Variants in ABCC3 observed in about 807,000 individuals in gnomAD.
ABCC3 encodes ATP binding cassette subfamily C member 3.
A neutral mutation model predicts 165.3 loss-of-function variants in ABCC3; 121 were observed. That is an observed-to-expected ratio of 0.73 (90% CI 0.63 to 0.85). ABCC3 has a LOEUF of 0.85. Ranked by LOEUF, ABCC3 falls within the 40% of genes least tolerant of loss-of-function variation. The pLI is 0.00. For synonymous variants in ABCC3, 733 were observed against 810.1 expected (o/e 0.90, Z 1.62); for missense variants, 1,869 against 1,964.1 (o/e 0.95, Z 0.92).
rs750350038 is a variant in ABCC3, at chr17:50,669,412, G to A, written c.2125G>A (p.Val709Met). The part of the protein sequence containing the change: ...WIQNCTLQEN[V>M]LFGKALNPKR... ...CCAGAACTGCACTCTTCAGGAAAAC[G>A]TGCTTTTCGGCAAAGCCCTGAACCC... The change falls in exon 17 of 31, where the codon GTG becomes ATG. Residue 709 changes from valine (V) to methionine (M), a missense_variant. Val to Met is a conservative substitution (Grantham distance 21). Transcript: ENST00000285238. 5.0e-6 allele frequency: 8 copies of A among 1,614,252 alleles called. No homozygotes were observed. Among genetic ancestry groups the A allele is most frequent in the African/African-American group, 1.3e-5 (1 of 75,068 alleles).
chr17:50,649,619 TGAGGGGTGGG>T (rs1407707643), intron 1 of ABCC3, among the ~76,000 whole-genome samples: 1 of 106,178 alleles, frequency 9.4e-6, no homozygotes, highest in Non-Finnish European at 1.8e-5. Flanking sequence ...AGGAGAGAGA[TGAGGGGTGGG>T]GAGGGGAAGG....
At position 50,691,614 on chromosome 17, in the gene ABCC3, C is replaced by A. The variant is rs913597378; in HGVS notation, c.*414C>A. The A allele has an allele frequency of 9.4e-6, 2 of 213,900 alleles. No individual in the cohort carries two copies. Among genetic ancestry groups the A allele is most frequent in the African/African-American group, 4.6e-5 (2 of 43,470 alleles). 13.3% of individuals were successfully genotyped at this position (213,900 alleles called of 1,614,324 possible). A position where few individuals can be genotyped will look rare whatever the true frequency, so the allele number is the denominator to read the frequency against. Reference sequence around the variant, plus strand: ...AAGACAGCTGCTGGGTCAGGCCACCCCTAGGAACTCAGTCCTGTACTCTGG... The same window carrying A: ...AAGACAGCTGCTGGGTCAGGCCACCACTAGGAACTCAGTCCTGTACTCTGG... On this transcript the variant is annotated 3_prime_UTR_variant, in exon 31 of 31. Coordinates refer to ENST00000285238, the MANE Select transcript of ABCC3 (RefSeq NM_003786.4).
intron 17 of ABCC3, 28 bp from the exon 18 acceptor site, chr17:50,672,943 A>G (rs769293159): frequency 3.4e-5 from 55 of 1,605,708 alleles, no homozygotes; most frequent in Non-Finnish European, 4.1e-5. Context: ...GTCTGACCCC[A>G]TTTTTCCCAC....
At chr17:50,647,441 C>T (rs1344898421) in intron 1 of ABCC3, among the ~76,000 whole-genome samples, 1 of 152,164 alleles carries the variant, frequency 6.6e-6, no homozygotes, top group Non-Finnish European at 1.5e-5. Flanking sequence ...CAGATGGTGA[C>T]GCCATCTGAG....
rs1401240593 is a variant in ABCC3 at position 50,691,862 on chromosome 17, TC to T, written c.*665del. On this transcript the variant is annotated 3_prime_UTR_variant, in exon 31 of 31. Transcript: ENST00000285238. ...CAAATATTGCCTTCACAGCCAAAAT[TC>T]CCTGGGTAATTGCCAGTAGCTCCTG... 6.6e-6 allele frequency: 1 copy of T among 152,204 alleles called. No homozygotes were observed. The highest frequency in any genetic ancestry group is 2.4e-5 in the African/African-American group (1 of 41,458). 9.4% of individuals were successfully genotyped at this position (152,204 alleles called of 1,614,324 possible).
intron 3 of ABCC3, 53 bp downstream of exon 3, chr17:50,656,880 G>T: frequency 6.4e-7 from 1 of 1,569,022 alleles, no homozygotes. Flanking sequence ...TTGGGTTGTG[G>T]ACTGTGATAG....
At chr17:50,671,682 A>G (rs1365405834) in intron 17 of ABCC3, among the ~76,000 whole-genome samples, 2 of 137,396 alleles carry the variant, frequency 1.5e-5, no homozygotes, top group Non-Finnish European at 3.1e-5. Context: ...ATGCTAGCTC[A>G]GGTCTCTCTT....
At position 50,641,093 on chromosome 17, in the gene ABCC3, C is replaced by T. The variant is rs118056889; in HGVS notation, c.45+6112C>T. On this transcript the variant is annotated intron_variant, in intron 1 of 30. Transcript: ENST00000285238. ...CTGGCAAAGCTGGGGCAGAGGGCTC[C>T]GGGGTCCTCACCCCCCGCCCCCATC... Among the ~76,000 whole-genome samples, 1,280 of 152,272 alleles carry T rather than the reference C, an allele frequency of 8.4e-3. 15 individuals are homozygous for T. Among genetic ancestry groups the T allele is most frequent in the South Asian group, 0.017 (81 of 4,824 alleles).
In ABCC3 at chr17:50,641,395, G is replaced by A. The variant is rs1178647042; in HGVS notation, c.45+6414G>A. Among the ~76,000 whole-genome samples the A allele has an allele frequency of 2.0e-5, 3 of 152,330 alleles. No homozygotes were observed. In the South Asian group the frequency reaches 6.2e-4, roughly 32 times the overall value. On this transcript the variant is annotated intron_variant, in intron 1 of 30. Transcript: ENST00000285238. ...GTAGGGATCGTCATCCTGCCCTGCAGGGATTCAGGGAGTGTTACAGGGTCC... is the reference window on the plus strand; with the variant it reads ...GTAGGGATCGTCATCCTGCCCTGCAAGGATTCAGGGAGTGTTACAGGGTCC...
At chr17:50,640,059 C>T (rs1471676527) in intron 1 of ABCC3, among the ~76,000 whole-genome samples, 1 of 152,140 alleles carries the variant, frequency 6.6e-6, no homozygotes, top group African/African-American at 2.4e-5. Context: ...CCACCGCATT[C>T]AGCCAGATTT....
intron 26 of ABCC3, 77 bp downstream of exon 26, chr17:50,679,976 C>G: frequency 8.8e-7 from 1 of 1,133,080 alleles, no homozygotes; most frequent in Non-Finnish European, 1.3e-6. Context: ...CTCTCTCCCT[C>G]AACATCAGGG....
intron 1 of ABCC3, among the ~76,000 whole-genome samples, chr17:50,653,124 T>C (rs1347910054): frequency 6.6e-6 from 1 of 151,872 alleles, no homozygotes; most frequent in Admixed American, 6.6e-5. Context: ...GGTGGGTGGA[T>C]CACCTGAGGT....
At chr17:50,663,411 G>A in intron 8 of ABCC3, 1 of 478,650 alleles carries the variant, frequency 2.1e-6, no homozygotes, top group Middle Eastern at 5.5e-4. Flanking sequence ...AAGAAGGCAG[G>A]CAGGTGAGGC....
At chr17:50,685,227 C>T (rs551359115) in intron 29 of ABCC3, among the ~76,000 whole-genome samples, 239 of 152,306 alleles carry the variant, frequency 1.6e-3, no homozygotes, top group Middle Eastern at 3.4e-3. Flanking sequence ...CCCTCCAGAG[C>T]TTTCTTACAG....
At position 50,665,256 on chromosome 17, in the gene ABCC3, T is replaced by C. The variant is rs767268530; in HGVS notation, c.1431+11T>C. Reference sequence around the variant, plus strand: ...ATGCGCGCCTTCCAGGTAGGTGCTGTCAGAGGTGCATCCTCCTGCCTGCAG... The same window carrying C: ...ATGCGCGCCTTCCAGGTAGGTGCTGCCAGAGGTGCATCCTCCTGCCTGCAG... On this transcript the variant is annotated intron_variant, in intron 11 of 30. Transcript: ENST00000285238. 14 of 1,613,502 alleles carry C rather than the reference T, an allele frequency of 8.7e-6. No individual in the cohort carries two copies. The East Asian group carries it at 3.1e-4, about 36-fold the overall frequency.
At chr17:50,689,426 G>A (rs532064699) in intron 30 of ABCC3, among the ~76,000 whole-genome samples, 1 of 152,154 alleles carries the variant, frequency 6.6e-6, no homozygotes, top group African/African-American at 2.4e-5. Context: ...GAAGCCTCAC[G>A]GGAGTGAACT....
intron 2 of ABCC3, 139 bp from the exon 3 acceptor site, chr17:50,656,563 T>G (rs1003138822): frequency 8.4e-7 from 1 of 1,187,652 alleles, no homozygotes; most frequent in Non-Finnish European, 1.2e-6. Flanking sequence ...AAGCTTCTGG[T>G]CAGCTCCATT....
chr17:50,687,531 C>A lies in ABCC3; in HGVS notation c.4281-5C>A, dbSNP rs760841879. On this transcript the variant is annotated splice_region_variant and splice_polypyrimidine_tract_variant and intron_variant, in intron 29 of 30. Transcript: ENST00000285238. ...GCTGGAAATGCCTGCCTTCTCCACT[C>A]CCAGCGTGGGCCAGAGGCAGCTCGT... 1 of 1,612,044 alleles carries A rather than the reference C, an allele frequency of 6.2e-7. No homozygotes were observed. The highest frequency in any genetic ancestry group is 1.7e-5 in the Admixed American group (1 of 60,008).
intron 14 of ABCC3, 32 bp downstream of exon 14, chr17:50,668,549 C>T (rs1304548222): frequency 1.3e-6 from 2 of 1,541,382 alleles, no homozygotes; most frequent in East Asian, 2.2e-5. Context: ...GCTGCCTGCC[C>T]CAGTCCTTGC....
Sources: allele counts gnomAD v4.1 joint callset (sites outside exome capture counted in the v4.1 genomes callset), GRCh38; gene constraint gnomAD v4.1.1; transcripts MANE v1.5; gene names NCBI Gene and HGNC (gene_info 2026-07-23, HGNC 2026-07-21).